Variants in TMEM143 observed in about 807,000 individuals in gnomAD.
The protein encoded by TMEM143 is transmembrane protein 143.
A neutral mutation model predicts 40.3 loss-of-function variants in TMEM143; 45 were observed. The ratio of observed to expected loss-of-function variants is 1.12; its 90% CI spans 0.88 to 1.43. The LOEUF is 1.43. TMEM143 is among the 40% of genes most tolerant of loss of function. TMEM143 has a pLI of 0.00. For missense variants in TMEM143, 620 were observed against 613.4 expected (o/e 1.01, Z -0.11); for synonymous variants, 299 against 282.7 (o/e 1.06, Z -0.58).
chr19:48,360,267 A>G, intron 2 of TMEM143, 91 bp from the exon 3 acceptor site: 1 of 1,294,406 alleles, frequency 7.7e-7, no homozygotes, highest in South Asian at 1.3e-5. Flanking sequence ...CTACACAATC[A>G]GAGCTCTGGA....
intron 6 of TMEM143, among the ~76,000 whole-genome samples, chr19:48,335,945 T>TG (rs1338232364): frequency 6.6e-6 from 1 of 151,666 alleles, no homozygotes; most frequent in Admixed American, 6.6e-5. Context: ...GGAAGGATGT[T>TG]GGGGGGAAGA....
chr19:48,337,555 AAG>A (rs1229398234), intron 6 of TMEM143, among the ~76,000 whole-genome samples: 1 of 109,942 alleles, frequency 9.1e-6, no homozygotes, highest in Non-Finnish European at 2.0e-5. Context: ...TCAAAAAAAG[AAG>A]AAAAAAAAAA....
intron 6 of TMEM143, among the ~76,000 whole-genome samples, chr19:48,336,721 C>T (rs1464600774): frequency 2.7e-5 from 4 of 150,858 alleles, no homozygotes; most frequent in East Asian, 2.0e-4. Context: ...AGCGGTCGGG[C>T]GCAGTAGCTC....
intron 4 of TMEM143, among the ~76,000 whole-genome samples, chr19:48,344,946 G>C (rs1359009846): frequency 6.6e-6 from 1 of 152,138 alleles, no homozygotes; most frequent in Non-Finnish European, 1.5e-5. Context: ...GACCTCAGGT[G>C]ATCCACCCAC....
chr19:48,339,429 C>T (rs1403353242), intron 6 of TMEM143, among the ~76,000 whole-genome samples: 2 of 152,112 alleles, frequency 1.3e-5, no homozygotes, highest in Non-Finnish European at 2.9e-5. Flanking sequence ...GAAAGAGGGC[C>T]CCATACTCCG....
At chr19:48,344,272 G>C (rs1029921729) in intron 4 of TMEM143, among the ~76,000 whole-genome samples, 4 of 149,750 alleles carry the variant, frequency 2.7e-5, no homozygotes, top group Non-Finnish European at 5.9e-5. Context: ...GTGTCTCTCT[G>C]TGTGTGTGTG....
At chr19:48,357,359 T>TTTTC (rs1308797794) in intron 3 of TMEM143, among the ~76,000 whole-genome samples, 2 of 117,846 alleles carry the variant, frequency 1.7e-5, no homozygotes, top group African/African-American at 6.6e-5. Flanking sequence ...CTTTTTTTTT[T>TTTTC]TTTTTTTTTT....
intron 3 of TMEM143, among the ~76,000 whole-genome samples, chr19:48,352,756 CAG>C (rs975525245): frequency 1.8e-4 from 27 of 151,920 alleles, no homozygotes; most frequent in African/African-American, 6.5e-4. Flanking sequence ...GCCTGGGCGA[CAG>C]AGCAAAAATC....
chr19:48,344,241 G>GT lies in TMEM143; in HGVS notation c.565-791dup, dbSNP rs34541121. ...CATTTTGCGTGCTTTTAGGGGCTTG[G>GT]TTTTTTTTTTCTTTTTTAATGTGTC... On this transcript the variant is annotated intron_variant, in intron 4 of 7. Transcript: ENST00000293261. 3.6e-4 allele frequency among the ~76,000 whole-genome samples: 53 copies of GT among 148,196 alleles called. No individual in the cohort carries two copies. The East Asian group carries it at 4.6e-3, about 13-fold the overall frequency.
Position 48,363,530 on chromosome 19 carries a change from G to T in TMEM143, c.25C>A (p.Leu9Ile). Reference sequence around the variant, plus strand: ...AGCATGGCTAGACCCTTTCCCCGGAGCCTAAACAGAGGAAAATGGGCAGGG... The same window carrying T: ...AGCATGGCTAGACCCTTTCCCCGGATCCTAAACAGAGGAAAATGGGCAGGG... MTVELWLR[L>I]RGKGLAMLHV... Residue 9 changes from leucine (L) to isoleucine (I), a missense_variant and splice_region_variant, in exon 2 of 8, where the codon CTC (leucine) becomes ATC (isoleucine). Transcript: ENST00000293261. 1 of 1,598,218 alleles carries T rather than the reference G, an allele frequency of 6.3e-7. No individual in the cohort carries two copies. Among genetic ancestry groups the T allele is most frequent in the South Asian group, 1.1e-5 (1 of 90,120 alleles).
chr19:48,335,947 G>A (rs1324760553), intron 6 of TMEM143, among the ~76,000 whole-genome samples: 3 of 151,958 alleles, frequency 2.0e-5, no homozygotes, highest in Admixed American at 2.0e-4. Context: ...AAGGATGTTG[G>A]GGGGAAGAAC....
chr19:48,358,573 C>T (rs1423965576), intron 3 of TMEM143, among the ~76,000 whole-genome samples: 3 of 151,956 alleles, frequency 2.0e-5, no homozygotes, highest in African/African-American at 7.3e-5. Flanking sequence ...GGAGACGCAC[C>T]CCTACTCCTC....
rs1970030191 is a variant in TMEM143 at position 48,361,076 on chromosome 19, C to A, written c.265-900G>T. On this transcript the variant is annotated intron_variant, in intron 2 of 7. Transcript: ENST00000293261. ...GTGCTGGGAGGCTGAGCCACCATAC[C>A]CCCAAGGTTGATGGAATTATAACTC... 2.6e-5 allele frequency among the ~76,000 whole-genome samples: 4 copies of A among 151,938 alleles called. 1 individual carries two copies. In the South Asian group the frequency reaches 8.3e-4, roughly 32 times the overall value.
chr19:48,338,473 T>C (rs1213131648), intron 6 of TMEM143, among the ~76,000 whole-genome samples: 1 of 152,162 alleles, frequency 6.6e-6, no homozygotes, highest in Admixed American at 6.5e-5. Flanking sequence ...AAAAAGCCGG[T>C]TTACCCTGAA....
intron 6 of TMEM143, among the ~76,000 whole-genome samples, chr19:48,335,672 G>A (rs901517655): frequency 4.6e-5 from 7 of 152,052 alleles, no homozygotes; most frequent in Middle Eastern, 3.2e-3. Flanking sequence ...GCAGTGAGCC[G>A]AGATCATGCC....
rs533157657 is a variant in TMEM143, at chr19:48,349,648, T to A, written c.370-4294A>T. Among the ~76,000 whole-genome samples the A allele has an allele frequency of 2.0e-5, 3 of 151,074 alleles. No individual in the cohort carries two copies. The Middle Eastern group carries it at 0.01, about 514-fold the overall frequency. On this transcript the variant is annotated intron_variant, in intron 3 of 7. Coordinates refer to ENST00000293261, the MANE Select transcript of TMEM143 (RefSeq NM_018273.4). ...ACAACAGAGTGTGTCAGTGTGTGAG[T>A]CTCTGGCTCAAAAAAAAAAAGCAGC...
In TMEM143 at chr19:48,334,440, T is replaced by C. The variant is rs1483742796; in HGVS notation, c.976-243A>G. 2.6e-4 allele frequency among the ~76,000 whole-genome samples: 11 copies of C among 42,890 alleles called. No homozygotes were observed. In the South Asian group the frequency reaches 6.7e-3, roughly 26 times the overall value. The allele number at this position is 42,890 out of a possible 152,430, so 28.1% of individuals were successfully genotyped here. On this transcript the variant is annotated intron_variant, in intron 6 of 7. Coordinates refer to ENST00000293261, the MANE Select transcript of TMEM143 (RefSeq NM_018273.4). Reference sequence around the variant, plus strand: ...TCTCTTTCTTTCTTTCTTTCTTTCTTTCTTTCTTTCTTTCTTTCTTTCTTT... The same window carrying C: ...TCTCTTTCTTTCTTTCTTTCTTTCTCTCTTTCTTTCTTTCTTTCTTTCTTT...
At position 48,333,675 on chromosome 19, in the gene TMEM143, G is replaced by A. The variant is rs116543504; in HGVS notation, c.1166-242C>T. 0.019 allele frequency among the ~76,000 whole-genome samples: 2,950 copies of A among 152,224 alleles called. 97 individuals are homozygous for A. Among genetic ancestry groups the A allele is most frequent in the African/African-American group, 0.068 (2,815 of 41,552 alleles). On this transcript the variant is annotated intron_variant, in intron 7 of 7. Transcript: ENST00000293261. This position sits in a 1 kb window ranked among gnomAD's most constrained non-coding sequence, Gnocchi z 4.1. ...GGGCTCTTGGGCAGGGAAGGTGGGGGCTCCTGTAGGCAAGGGGACCACCTG... is the reference window on the plus strand; with the variant it reads ...GGGCTCTTGGGCAGGGAAGGTGGGGACTCCTGTAGGCAAGGGGACCACCTG...
chr19:48,335,790 A>G (rs1969354346), intron 6 of TMEM143, among the ~76,000 whole-genome samples: 1 of 152,174 alleles, frequency 6.6e-6, no homozygotes, highest in East Asian at 1.9e-4. Flanking sequence ...GCTACTCATG[A>G]GGCTGAAGCA....
Sources: allele counts gnomAD v4.1 joint callset (sites outside exome capture counted in the v4.1 genomes callset), GRCh38; gene constraint gnomAD v4.1.1; non-coding constraint Gnocchi (gnomAD v3.1); transcripts MANE v1.5; gene names NCBI Gene and HGNC (gene_info 2026-07-23, HGNC 2026-07-21).